DPP6: variants seen among roughly 807,000 people sequenced by gnomAD.
DPP6 encodes A-type potassium channel modulatory protein DPP6.
DPP6 carries 69 observed loss-of-function variants against 122.6 expected under a neutral mutation model. The ratio of observed to expected loss-of-function variants is 0.56; its 90% confidence interval spans 0.46 to 0.69. DPP6 has a LOEUF of 0.69. DPP6 is among the 30% of genes least tolerant of loss of function. The pLI is 0.00. For missense variants in DPP6, 928 were observed against 1,116.9 expected (o/e 0.83, Z 2.41); for synonymous variants, 418 against 433.1 (o/e 0.97, Z 0.43).
chr7:154,668,378 G>A (rs897215471), intron 6 of DPP6, among the ~76,000 whole-genome samples: 10 of 150,418 alleles, frequency 6.6e-5, no homozygotes, highest in South Asian at 4.3e-4. Context: ...CCGCCACCGC[G>A]CCCGACTAAT....
chr7:154,527,246 G>T (rs1332191288), intron 3 of DPP6, among the ~76,000 whole-genome samples: 2 of 152,072 alleles, frequency 1.3e-5, no homozygotes, highest in Non-Finnish European at 2.9e-5. Flanking sequence ...TTTTATTCTT[G>T]GCCAGTGGGA....
chr7:154,621,867 G>A (rs1563022943), intron 5 of DPP6, among the ~76,000 whole-genome samples: 1 of 152,104 alleles, frequency 6.6e-6, no homozygotes, highest in East Asian at 1.9e-4. Flanking sequence ...TGGCACATGA[G>A]TCCATAGAAT....
chr7:154,243,347 A>G (rs377228094), intron 1 of DPP6, among the ~76,000 whole-genome samples: 7 of 147,288 alleles, frequency 4.8e-5, no homozygotes, highest in East Asian at 3.9e-4. Context: ...TCAGACAAGG[A>G]TTTTAAGGCA....
At chr7:153,858,734 G>C in the DPP6 span, among the ~76,000 whole-genome samples, 1 of 152,164 alleles carries the variant, frequency 6.6e-6, no homozygotes, top group East Asian at 1.9e-4. Flanking sequence ...TTTAAACAGA[G>C]ATGTTTAATG....
intron 1 of DPP6, chr7:154,092,361 T>C (rs1032767215): frequency 6.6e-6 from 1 of 152,138 alleles, no homozygotes. Context: ...TTTCACCTGC[T>C]CCCTGGCACA....
At chr7:154,323,660 C>G (rs1176406036) in intron 1 of DPP6, among the ~76,000 whole-genome samples, 2 of 152,178 alleles carry the variant, frequency 1.3e-5, no homozygotes, top group Admixed American at 1.3e-4. Context: ...ACACTTGTCT[C>G]TGAGCCATTT....
At chr7:154,261,563 T>C (rs968676110) in intron 1 of DPP6, among the ~76,000 whole-genome samples, 9 of 152,058 alleles carry the variant, frequency 5.9e-5, no homozygotes, top group African/African-American at 2.2e-4. Flanking sequence ...CTAAAGAGCT[T>C]TTGCGGGGCA....
At chr7:153,973,920 C>A (rs39155) in intron 1 of DPP6, among the ~76,000 whole-genome samples, 10,054 of 151,062 alleles carry the variant, frequency 0.067, 560 homozygotes, top group East Asian at 0.25. Context: ...TAGGGAAAGG[C>A]TGGTGTAGCT....
chr7:154,466,641 G>T (rs1292495600), intron 2 of DPP6, among the ~76,000 whole-genome samples: 1 of 152,096 alleles, frequency 6.6e-6, no homozygotes. Flanking sequence ...CTTCCTTAAA[G>T]GCGCTATCTC....
chr7:153,957,491 T>C (rs1236130516), intron 1 of DPP6, among the ~76,000 whole-genome samples: 2 of 152,166 alleles, frequency 1.3e-5, no homozygotes, highest in East Asian at 1.9e-4. Flanking sequence ...CCCGGCCACA[T>C]AGAAGTTGGA....
intron 1 of DPP6, among the ~76,000 whole-genome samples, chr7:154,016,764 C>G (rs1308405402): frequency 6.6e-6 from 1 of 152,108 alleles, no homozygotes; most frequent in Non-Finnish European, 1.5e-5. Context: ...AATTTAATTC[C>G]CACCAACAGT....
At chr7:154,419,113 A>G (rs1018177928) in intron 1 of DPP6, among the ~76,000 whole-genome samples, 8 of 152,250 alleles carry the variant, frequency 5.3e-5, no homozygotes, top group Admixed American at 5.2e-4. Flanking sequence ...ATCCTCAGAA[A>G]AGCTTATGGC....
At chr7:154,727,608 G>A (rs1301326854) in intron 7 of DPP6, among the ~76,000 whole-genome samples, 159 bp from the exon 8 acceptor site, 2 of 152,142 alleles carry the variant, frequency 1.3e-5, no homozygotes, top group Non-Finnish European at 2.9e-5. Flanking sequence ...TTCTGTTCGA[G>A]GTGGGTAGAC....
the DPP6 span, among the ~76,000 whole-genome samples, chr7:153,872,045 A>G: frequency 0.38 from 57,170 of 152,062 alleles, 10,968 homozygotes; most frequent in Middle Eastern, 0.46. Context: ...TCAGCCTTCA[A>G]AACTCATGCT....
intron 16 of DPP6, among the ~76,000 whole-genome samples, chr7:154,812,193 C>T (rs1799102496): frequency 6.6e-6 from 1 of 152,194 alleles, no homozygotes; most frequent in Non-Finnish European, 1.5e-5. Flanking sequence ...CACATTAGGA[C>T]ATAAGGGCTG....
chr7:154,198,044 G>A (rs1277152589), intron 1 of DPP6, among the ~76,000 whole-genome samples: 2 of 152,188 alleles, frequency 1.3e-5, no homozygotes, highest in East Asian at 1.9e-4. Flanking sequence ...CATCCATTCA[G>A]TGCTCCCACT....
At chr7:153,943,844 G>C (rs1421065884) in intron 1 of DPP6, among the ~76,000 whole-genome samples, 1 of 142,138 alleles carries the variant, frequency 7.0e-6, no homozygotes, top group Non-Finnish European at 1.6e-5. Flanking sequence ...GCATCTCTAT[G>C]CCCCGAGTCT....
At chr7:154,408,081 G>C (rs1289235448) in intron 1 of DPP6, among the ~76,000 whole-genome samples, 1 of 152,212 alleles carries the variant, frequency 6.6e-6, no homozygotes, top group African/African-American at 2.4e-5. Flanking sequence ...GTTAGAAATA[G>C]TAGTAATAGT....
In DPP6 at chr7:154,875,832, C is replaced by T; in HGVS notation, c.1884-74C>T. On this transcript the variant is annotated intron_variant, in intron 19 of 25. Coordinates refer to ENST00000377770, the MANE Select transcript of DPP6 (RefSeq NM_130797.4). The surrounding 1 kb of genome is among the most constrained non-coding windows in gnomAD (Gnocchi z 4.5). Reference sequence around the variant, plus strand: ...GGGTAAAATCCCTTACGGGGGTCATCTGACGTGGCAGCTGCTAGACCAGCC... The same window carrying T: ...GGGTAAAATCCCTTACGGGGGTCATTTGACGTGGCAGCTGCTAGACCAGCC... 2 of 1,537,466 alleles carry T rather than the reference C, an allele frequency of 1.3e-6. No individual in the cohort carries two copies. The highest frequency in any genetic ancestry group is 1.8e-6 in the Non-Finnish European group (2 of 1,142,162).
Sources: gnomAD v4.1 joint callset for allele counts (sites outside exome capture counted in the v4.1 genomes callset) on GRCh38, gnomAD v4.1.1 for gene constraint, Gnocchi (gnomAD v3.1) non-coding constraint, MANE v1.5 for transcripts, NCBI Gene and HGNC (gene_info 2026-07-23, HGNC 2026-07-21) for gene names.